CALD1: variants seen among roughly 807,000 people sequenced by gnomAD.
CALD1 encodes caldesmon.
Under a neutral mutation model 99.9 loss-of-function variants are expected in CALD1, and 33 were observed. The observed-to-expected ratio is 0.33, with a 90% confidence interval of 0.25 to 0.44. The LOEUF (loss-of-function observed/expected upper bound fraction) is 0.44. Ranked by LOEUF, CALD1 falls within the 20% of genes least tolerant of loss-of-function variation. CALD1 has a pLI of 1.00. For synonymous variants in CALD1, 310 were observed against 325.0 expected (o/e 0.95, Z 0.50); for missense variants, 861 against 962.1 (o/e 0.89, Z 1.39).
At chr7:134,763,571 T>C (rs1223035486) in intron 1 of CALD1, among the ~76,000 whole-genome samples, 2 of 152,124 alleles carry the variant, frequency 1.3e-5, no homozygotes, top group Non-Finnish European at 2.9e-5. Flanking sequence ...AGAGGGGCTG[T>C]CCACTGGAGA....
intron 1 of CALD1, among the ~76,000 whole-genome samples, chr7:134,781,175 C>T (rs918047887): frequency 4.6e-5 from 7 of 152,256 alleles, no homozygotes; most frequent in African/African-American, 9.6e-5. Flanking sequence ...GTCCTTCCCT[C>T]GAAGAGATCA....
At chr7:134,903,866 C>T (rs1234911360) in intron 3 of CALD1, among the ~76,000 whole-genome samples, 2 of 152,096 alleles carry the variant, frequency 1.3e-5, no homozygotes, top group Non-Finnish European at 2.9e-5. Context: ...CAACTGAACA[C>T]ATGACAAATA....
At chr7:134,785,460 A>G (rs1183169904) in intron 1 of CALD1, among the ~76,000 whole-genome samples, 2 of 152,228 alleles carry the variant, frequency 1.3e-5, no homozygotes, top group East Asian at 3.8e-4. Flanking sequence ...GCACAACTCA[A>G]TGTAAACCAC....
Position 134,958,308 on chromosome 7 carries a change from C to A in CALD1, c.2061+18C>A, listed in dbSNP as rs773575881. ...CAATTGAGGTGAGAATTGTCCTCAG[C>A]GTTATGGTCCTGCTGAACAGAAATA... On this transcript the variant is annotated intron_variant, in intron 11 of 14. Transcript: ENST00000361675. 5 of 1,579,888 alleles carry A rather than the reference C, an allele frequency of 3.2e-6. No homozygotes were observed. The highest frequency in any genetic ancestry group is 3.5e-6 in the Non-Finnish European group (4 of 1,149,200).
At chr7:134,824,609 G>T (rs1323696667) in intron 1 of CALD1, among the ~76,000 whole-genome samples, 1 of 152,012 alleles carries the variant, frequency 6.6e-6, no homozygotes, top group Non-Finnish European at 1.5e-5. Context: ...AACCTTTCAA[G>T]CCTCATTTTT....
intron 1 of CALD1, among the ~76,000 whole-genome samples, chr7:134,821,555 G>A (rs1412139227): frequency 6.8e-6 from 1 of 147,922 alleles, no homozygotes; most frequent in Non-Finnish European, 1.5e-5. Context: ...ATACTTTTTT[G>A]GGGTTAACTT....
chr7:134,808,225 C>T (rs537955420), intron 1 of CALD1, among the ~76,000 whole-genome samples: 5 of 151,772 alleles, frequency 3.3e-5, no homozygotes, highest in South Asian at 4.2e-4. Flanking sequence ...CTCAGCTTCC[C>T]GAGTAGCTGG....
chr7:134,768,559 G>A (rs144763977), intron 1 of CALD1, among the ~76,000 whole-genome samples: 199 of 152,284 alleles, frequency 1.3e-3, no homozygotes, highest in South Asian at 3.9e-3. Context: ...TACTCTGTTG[G>A]CCTGAGGACA....
At chr7:134,744,042 C>T (rs768660814), upstream of CALD1, among the ~76,000 whole-genome samples, 6 of 152,166 alleles carry the variant, frequency 3.9e-5, no homozygotes, top group African/African-American at 1.4e-4. Context: ...TGGATGACAG[C>T]GGACCCCTCT....
chr7:134,896,410 T>C (rs1245087099), intron 3 of CALD1, among the ~76,000 whole-genome samples: 3 of 152,222 alleles, frequency 2.0e-5, no homozygotes, highest in Admixed American at 6.5e-5. Flanking sequence ...TATCTGGTTA[T>C]GGATAAAATT....
intron 3 of CALD1, among the ~76,000 whole-genome samples, chr7:134,892,546 G>C (rs1380683192): frequency 6.6e-6 from 1 of 152,126 alleles, no homozygotes; most frequent in Non-Finnish European, 1.5e-5. Flanking sequence ...TCCAGCGTTT[G>C]TGCAACAGTT....
intron 3 of CALD1, among the ~76,000 whole-genome samples, chr7:134,903,918 A>G (rs774863247): frequency 6.6e-6 from 1 of 152,028 alleles, no homozygotes; most frequent in Non-Finnish European, 1.5e-5. Context: ...TCATAATTTA[A>G]TCCATAAGCA....
chr7:134,713,376 G>T, the CALD1 span, among the ~76,000 whole-genome samples: 1 of 152,114 alleles, frequency 6.6e-6, no homozygotes, highest in Non-Finnish European at 1.5e-5. Context: ...AAACATGGAT[G>T]GCCCCCAAAC....
At chr7:134,920,461 A>G in intron 3 of CALD1, 1 of 1,017,504 alleles carries the variant, frequency 9.8e-7, no homozygotes, top group Middle Eastern at 2.7e-4. Flanking sequence ...AATAAAAGTA[A>G]TTGACTAAGA....
At chr7:134,911,492 T>G (rs1011145007) in intron 3 of CALD1, among the ~76,000 whole-genome samples, 6 of 151,730 alleles carry the variant, frequency 4.0e-5, no homozygotes, top group African/African-American at 1.5e-4. Context: ...ATTTTTGCAG[T>G]AAATACTCAT....
At chr7:134,883,529 T>TA (rs541822454) in intron 3 of CALD1, among the ~76,000 whole-genome samples, 66 of 151,942 alleles carry the variant, frequency 4.3e-4, no homozygotes, top group African/African-American at 1.3e-3. Context: ...TTAGTGAGAT[T>TA]AAAAAAAAGG....
intron 1 of CALD1, among the ~76,000 whole-genome samples, chr7:134,835,183 G>T (rs762025622): frequency 6.6e-6 from 1 of 152,180 alleles, no homozygotes; most frequent in East Asian, 1.9e-4. Context: ...CATACTGATG[G>T]TTTTGCTTTT....
intron 2 of CALD1, among the ~76,000 whole-genome samples, chr7:134,847,680 C>T (rs902773524): frequency 3.9e-5 from 6 of 152,172 alleles, no homozygotes; most frequent in African/African-American, 9.7e-5. Flanking sequence ...CGTGTTTCCC[C>T]GGCCAGGGAA....
intron 1 of CALD1, among the ~76,000 whole-genome samples, chr7:134,815,630 A>C (rs1482761063): frequency 2.0e-5 from 3 of 152,120 alleles, no homozygotes; most frequent in African/African-American, 7.2e-5. Flanking sequence ...AGGTTGAAGG[A>C]ATGTTTAGCT....
Sources: allele counts gnomAD v4.1 joint callset (sites outside exome capture counted in the v4.1 genomes callset), GRCh38; gene constraint gnomAD v4.1.1; transcripts MANE v1.5; gene names NCBI Gene and HGNC (gene_info 2026-07-23, HGNC 2026-07-21).